Variants in ANK3 observed in about 807,000 individuals in gnomAD.
ANK3 encodes the protein ankyrin-3.
Under a neutral mutation model 370.9 loss-of-function variants are expected in ANK3, and 57 were observed. The observed-to-expected ratio is 0.15, with a 90% CI of 0.12 to 0.19. ANK3 has a LOEUF of 0.19. ANK3 is among the 10% of genes least tolerant of loss of function. The pLI is 1.00. For synonymous variants in ANK3, 1,929 were observed against 1,946.3 expected (o/e 0.99, Z 0.23); for missense variants, 4,439 against 5,302.1 (o/e 0.84, Z 5.06).
chr10:60,428,465 A>G (rs903618640), intron 2 of ANK3, among the ~76,000 whole-genome samples: 2 of 152,148 alleles, frequency 1.3e-5, no homozygotes, highest in African/African-American at 4.8e-5. Flanking sequence ...TGCCCCTTAC[A>G]ATTTCCTATT....
chr10:60,034,307 C>G (rs1217110248), intron 43 of ANK3, among the ~76,000 whole-genome samples: 1 of 151,928 alleles, frequency 6.6e-6, no homozygotes, highest in Non-Finnish European at 1.5e-5. Context: ...GGGGTTTCAC[C>G]ACGCTGGCCA....
intron 43 of ANK3, among the ~76,000 whole-genome samples, chr10:60,030,362 T>C (rs34926622): frequency 0.069 from 10,483 of 152,170 alleles, 471 homozygotes; most frequent in Non-Finnish European, 0.093. Context: ...CAGGATGGTC[T>C]CGATCTCCTG....
chr10:60,192,965 CTTT>C (rs200805191), intron 16 of ANK3, among the ~76,000 whole-genome samples: 1 of 145,202 alleles, frequency 6.9e-6, no homozygotes, highest in Non-Finnish European at 1.5e-5. Flanking sequence ...GTAGCTAGGA[CTTT>C]TTTTTTTTTT....
chr10:60,655,504 A>G (rs2078851241), intron 1 of ANK3, among the ~76,000 whole-genome samples: 1 of 152,134 alleles, frequency 6.6e-6, no homozygotes, highest in Non-Finnish European at 1.5e-5. Context: ...AAAGATACAA[A>G]GAAAAAATAT....
intron 41 of ANK3, among the ~76,000 whole-genome samples, chr10:60,057,563 T>G (rs1352737722): frequency 2.0e-5 from 3 of 152,202 alleles, no homozygotes; most frequent in Non-Finnish European, 4.4e-5. Flanking sequence ...AACATATAGC[T>G]TTATGACTTT....
At chr10:60,045,367 C>CTATT (rs1239360542) in intron 42 of ANK3, among the ~76,000 whole-genome samples, 3 of 152,122 alleles carry the variant, frequency 2.0e-5, no homozygotes, top group Non-Finnish European at 4.4e-5. Flanking sequence ...GGGTGGGCGC[C>CTATT]TATTTTCCTG....
intron 7 of ANK3, among the ~76,000 whole-genome samples, chr10:60,247,192 A>AT (rs1404470799): frequency 2.0e-5 from 3 of 151,406 alleles, no homozygotes; most frequent in Non-Finnish European, 4.4e-5. Context: ...ATTTTTTTGT[A>AT]TTTTTTAGTG....
chr10:60,597,792 T>C (rs2133300991), intron 2 of ANK3, among the ~76,000 whole-genome samples: 1 of 152,274 alleles, frequency 6.6e-6, no homozygotes. Flanking sequence ...AAAATCTCCT[T>C]GAGCAATAGG....
intron 2 of ANK3, among the ~76,000 whole-genome samples, chr10:60,491,763 C>A (rs2075513023): frequency 6.6e-6 from 1 of 152,176 alleles, no homozygotes; most frequent in Admixed American, 6.5e-5. Flanking sequence ...AGGAGCCAGA[C>A]TGCCTAAGGT....
chr10:60,325,525 G>A (rs2049633622), intron 1 of ANK3, among the ~76,000 whole-genome samples: 1 of 152,208 alleles, frequency 6.6e-6, no homozygotes, highest in African/African-American at 2.4e-5. Context: ...ACTATGAGGA[G>A]TGGATTTTCA....
intron 2 of ANK3, among the ~76,000 whole-genome samples, chr10:60,608,197 A>T (rs1202324807): frequency 2.0e-5 from 3 of 152,212 alleles, no homozygotes; most frequent in Non-Finnish European, 4.4e-5. Context: ...AGTTAACATC[A>T]TATAGCACAT....
intron 36 of ANK3, among the ~76,000 whole-genome samples, chr10:60,077,246 T>C (rs1238056164): frequency 6.6e-6 from 1 of 152,212 alleles, no homozygotes; most frequent in Admixed American, 6.5e-5. Flanking sequence ...CCATGCAGTA[T>C]ATTCCTTTTG....
chr10:60,258,139 T>C (rs1356244050), intron 7 of ANK3, among the ~76,000 whole-genome samples: 1 of 152,250 alleles, frequency 6.6e-6, no homozygotes, highest in Non-Finnish European at 1.5e-5. Context: ...TATGTTTTAG[T>C]TACATTCTCT....
At chr10:60,311,483 A>C (rs1593496612) in intron 1 of ANK3, among the ~76,000 whole-genome samples, 2 of 151,546 alleles carry the variant, frequency 1.3e-5, no homozygotes, top group African/African-American at 4.8e-5. Flanking sequence ...CCAAAAAAAA[A>C]AAAAAAAAAA....
chr10:60,493,010 G>T (rs1186561846), intron 2 of ANK3, among the ~76,000 whole-genome samples: 7 of 150,734 alleles, frequency 4.6e-5, no homozygotes, highest in African/African-American at 1.7e-4. Context: ...AATCCAGGAG[G>T]TGGAGGTTGC....
chr10:60,525,350 G>A (rs2076443530), intron 2 of ANK3, among the ~76,000 whole-genome samples: 1 of 151,974 alleles, frequency 6.6e-6, no homozygotes, highest in African/African-American at 2.4e-5. Flanking sequence ...CCATGTAAAT[G>A]CTCTTTATTG....
At chr10:60,155,491 C>G (rs992728731) in intron 23 of ANK3, among the ~76,000 whole-genome samples, 6 of 152,184 alleles carry the variant, frequency 3.9e-5, no homozygotes, top group Non-Finnish European at 8.8e-5. Flanking sequence ...ATTTAGGTAG[C>G]AATCAGGACC....
At chr10:60,068,540 G>T in intron 37 of ANK3, 97 bp downstream of exon 37, 1 of 1,288,956 alleles carries the variant, frequency 7.8e-7, no homozygotes, top group Non-Finnish European at 1.1e-6. Context: ...AACAGTTCAT[G>T]CACTAGGGTC....
At chr10:60,630,500 A>G (rs2393676) in intron 1 of ANK3, among the ~76,000 whole-genome samples, 103,092 of 152,074 alleles carry the variant, frequency 0.68, 35,094 homozygotes, top group South Asian at 0.82. Flanking sequence ...AAACAAAGGC[A>G]ATTAAGAAAT....
Sources: allele counts gnomAD v4.1 joint callset (sites outside exome capture counted in the v4.1 genomes callset), GRCh38; gene constraint gnomAD v4.1.1; transcripts MANE v1.5; gene names NCBI Gene and HGNC (gene_info 2026-07-23, HGNC 2026-07-21).